Variants in CEP78 observed in about 807,000 individuals in gnomAD.
CEP78 encodes the protein centrosomal protein 78.
CEP78 carries 76 observed loss-of-function variants against 81.2 expected under a neutral mutation model. That is an observed-to-expected ratio of 0.94 (90% confidence interval 0.78 to 1.13). The LOEUF (loss-of-function observed/expected upper bound fraction) is 1.13, where lower values mean the gene tolerates loss of function less well. Ranked by LOEUF, CEP78 falls within the 50% of genes most tolerant of loss-of-function variation. The probability of loss-of-function intolerance (pLI) is 0.00; values close to 1 mark genes in which losing one functional copy is unlikely to be tolerated. For missense variants in CEP78, 918 were observed against 846.8 expected, an observed-to-expected ratio of 1.08 and a Z score of -1.04; for synonymous variants, 293 against 301.4, an observed-to-expected ratio of 0.97 and a Z score of 0.29.
At chr9:78,242,803 C>T (rs1826296484) in intron 4 of CEP78, among the ~76,000 whole-genome samples, 1 of 151,990 alleles carries the variant, frequency 6.6e-6, no homozygotes. Context: ...TAAGATAATA[C>T]CTGTGGTTAA....
rs1270367313 is a variant in CEP78, at chr9:78,278,247, G to A, written c.*7396G>A. ...TGTACTCTGTTATCCTTTACGCTCT[G>A]TCCATTTTTTTCTTCAAAAATGTGT... On this transcript the variant is annotated 3_prime_UTR_variant, in exon 17 of 17. Coordinates refer to ENST00000643273, the MANE Select transcript of CEP78 (RefSeq NM_001330691.3). The A allele has an allele frequency of 1.3e-5, 2 of 152,088 alleles. No homozygotes were observed. The highest frequency in any genetic ancestry group is 4.8e-5 in the African/African-American group (2 of 41,406). 9.4% of individuals were successfully genotyped at this position (152,088 alleles called of 1,614,324 possible). A position where few individuals can be genotyped will look rare whatever the true frequency, so the allele number is the denominator to read the frequency against.
rs1458869938 is a variant in CEP78, at chr9:78,274,587, A to G, written c.*3736A>G. 6.6e-6 allele frequency: 1 copy of G among 152,224 alleles called. No homozygotes were observed. Among genetic ancestry groups the G allele is most frequent in the Non-Finnish European group, 1.5e-5 (1 of 68,028 alleles). The allele number at this position is 152,224 out of a possible 1,614,324, so 9.4% of individuals were successfully genotyped here. A position where few individuals can be genotyped will look rare whatever the true frequency, so the allele number is the denominator to read the frequency against. ...ATATTTTGTATCCATGATGAATACA[A>G]AGTATATTCTCCTGGAAAACCAATA... On this transcript the variant is annotated 3_prime_UTR_variant, in exon 17 of 17. Coordinates refer to ENST00000643273, the MANE Select transcript of CEP78 (RefSeq NM_001330691.3).
chr9:78,239,585 G>A lies in CEP78; in HGVS notation c.254-438G>A, dbSNP rs1571776. ...AGCCCTGATCCTCATCACCTGTGAG[G>A]TAAAAGTGAACTCTCCTAGGCTTGC... On this transcript the variant is annotated intron_variant, in intron 1 of 16. Coordinates refer to ENST00000643273, the MANE Select transcript of CEP78 (RefSeq NM_001330691.3). Among the ~76,000 whole-genome samples the A allele has an allele frequency of 4.9e-3, 753 of 152,262 alleles. 6 individuals are homozygous for A. Among genetic ancestry groups the A allele is most frequent in the African/African-American group, 0.017 (719 of 41,556 alleles).
chr9:78,236,247 C>T lies in CEP78; in HGVS notation c.-104C>T. ...GAGCCCGGTGCGGGGCTGCCGCTAT[C>T]GCCTGGCCGTGGGTGCCGGAGCGGC... On this transcript the variant is annotated 5_prime_UTR_variant, in exon 1 of 17. Coordinates refer to ENST00000643273, the MANE Select transcript of CEP78 (RefSeq NM_001330691.3). 9.9e-7 allele frequency: 1 copy of T among 1,013,682 alleles called. No homozygotes were observed. The highest frequency in any genetic ancestry group is 1.4e-6 in the Non-Finnish European group (1 of 709,730). The allele number at this position is 1,013,682 out of a possible 1,614,324, so 62.8% of individuals were successfully genotyped here.
chr9:78,246,193 A>G (rs1239083791), intron 5 of CEP78, among the ~76,000 whole-genome samples: 1 of 152,086 alleles, frequency 6.6e-6, no homozygotes, highest in East Asian at 1.9e-4. Context: ...ATGTGTGTGC[A>G]TATGGTTTTC....
chr9:78,267,679 G>A (rs1444987823), intron 16 of CEP78, among the ~76,000 whole-genome samples: 1 of 152,130 alleles, frequency 6.6e-6, no homozygotes, highest in African/African-American at 2.4e-5. Context: ...ACCACTTAAG[G>A]AAGATTCTGA....
chr9:78,243,616 G>A lies in CEP78; in HGVS notation c.758G>A (p.Ser253Asn), dbSNP rs1465462072. 1 of 1,613,406 alleles carries A rather than the reference G, an allele frequency of 6.2e-7. No homozygotes were observed. Among genetic ancestry groups the A allele is most frequent in the Admixed American group, 1.7e-5 (1 of 59,926 alleles). The change falls in exon 5 of 17, where the codon AGT becomes AAT. Residue 253 changes from serine to asparagine, a missense_variant. Coordinates refer to ENST00000643273, the MANE Select transcript of CEP78 (RefSeq NM_001330691.3). ...GCATGTGCTTTTGCAGACTCTCTCAGTGAGGATTTATGGCTGAGAGGTAAG... is the reference window on the plus strand; with the variant it reads ...GCATGTGCTTTTGCAGACTCTCTCAATGAGGATTTATGGCTGAGAGGTAAG... The part of the protein sequence containing the change: ...LGACAFADSL[S>N]EDLWLRALDL...
Position 78,253,335 on chromosome 9 carries a change from C to G in CEP78, c.1251+58C>G, listed in dbSNP as rs1038515201. 41 of 802,668 alleles carry G rather than the reference C, an allele frequency of 5.1e-5. 1 individual carries two copies. Among genetic ancestry groups the G allele is most frequent in the Non-Finnish European group, 8.0e-5 (37 of 461,804 alleles). 49.7% of individuals were successfully genotyped at this position (802,668 alleles called of 1,614,324 possible). A position where few individuals can be genotyped will look rare whatever the true frequency, so the allele number is the denominator to read the frequency against. On this transcript the variant is annotated intron_variant, in intron 10 of 16. Coordinates refer to ENST00000643273, the MANE Select transcript of CEP78 (RefSeq NM_001330691.3). ...GATTGGAATGGGAAGGGTGGAAGAT[C>G]ATTCTCTGTGCTCTTTAAATTGAAT... is the stretch of plus-strand genomic sequence containing the variant.
chr9:78,261,172 C>T (rs1318500800), intron 11 of CEP78, among the ~76,000 whole-genome samples: 2 of 151,930 alleles, frequency 1.3e-5, no homozygotes, highest in Non-Finnish European at 2.9e-5. Context: ...AATTTCCTGA[C>T]CTTGTGATCT....
chr9:78,261,867 T>C (rs764400143), intron 11 of CEP78, among the ~76,000 whole-genome samples: 5 of 152,158 alleles, frequency 3.3e-5, no homozygotes, highest in Admixed American at 2.0e-4. Context: ...CATTAAAGAA[T>C]TTGTAGTTAT....
intron 15 of CEP78, 110 bp downstream of exon 15, chr9:78,266,016 C>A: frequency 1.6e-6 from 1 of 642,022 alleles, no homozygotes; most frequent in Non-Finnish European, 2.9e-6. Context: ...ACCTGTCTGC[C>A]ACAGGAGTCC....
chr9:78,236,616 C>T lies in CEP78; in HGVS notation c.253+13C>T, dbSNP rs762015609. On this transcript the variant is annotated intron_variant, in intron 1 of 16. Transcript: ENST00000643273. ...CTGGGGGACACAGGTTTGTAGTTCC[C>T]GCCTCCAGGGCCCCTCAGTCGGTGC... 2.0e-6 allele frequency: 3 copies of T among 1,520,814 alleles called. No individual in the cohort carries two copies. The highest frequency in any genetic ancestry group is 2.6e-6 in the Non-Finnish European group (3 of 1,136,008). 94.2% of individuals were successfully genotyped at this position (1,520,814 alleles called of 1,614,324 possible).
rs538628271 is a variant in CEP78, at chr9:78,257,776, C to T, written c.1380+2812C>T. On this transcript the variant is annotated intron_variant, in intron 11 of 16. Coordinates refer to ENST00000643273, the MANE Select transcript of CEP78 (RefSeq NM_001330691.3). ...CCGCCCTTTTCAGTGGCACAGCAGT[C>T]GGTGACCACCTATCTAATTTGTTGT... Among the ~76,000 whole-genome samples the T allele has an allele frequency of 5.9e-5, 9 of 152,268 alleles. No individual in the cohort carries two copies. In the South Asian group the frequency reaches 8.3e-4, roughly 14 times the overall value.
At chr9:78,258,526 A>G (rs1310066200) in intron 11 of CEP78, among the ~76,000 whole-genome samples, 2 of 152,188 alleles carry the variant, frequency 1.3e-5, no homozygotes, top group Non-Finnish European at 2.9e-5. Flanking sequence ...GACCAATGGA[A>G]AAACTAATGG....
Position 78,246,719 on chromosome 9 carries a change from C to G in CEP78, c.829C>G (p.Leu277Val). 6.2e-7 allele frequency: 1 copy of G among 1,611,414 alleles called. No homozygotes were observed. Among genetic ancestry groups the G allele is most frequent in the South Asian group, 1.1e-5 (1 of 90,640 alleles). Residue 277 changes from leucine (L) to valine (V), a missense_variant, in exon 6 of 17, where the codon CTA (leucine) becomes GTA (valine). Physicochemically the swap from Leu to Val is conservative, Grantham distance 32. Transcript: ENST00000643273. ...GLTNEGAKAL[L>V]EALETNTTLV... Reference sequence around the variant, plus strand: ...CACCAATGAAGGAGCAAAGGCTTTGCTAGAGGCCCTTGAAACCAATACAAC... The same window carrying G: ...CACCAATGAAGGAGCAAAGGCTTTGGTAGAGGCCCTTGAAACCAATACAAC...
chr9:78,259,487 T>G (rs994930345), intron 11 of CEP78, among the ~76,000 whole-genome samples: 6 of 152,178 alleles, frequency 3.9e-5, no homozygotes, highest in African/African-American at 1.4e-4. Flanking sequence ...ATTTTGTGAT[T>G]TAAAAAACCT....
chr9:78,246,014 T>G (rs1341716189), intron 5 of CEP78, among the ~76,000 whole-genome samples: 1 of 152,212 alleles, frequency 6.6e-6, no homozygotes, highest in Non-Finnish European at 1.5e-5. Flanking sequence ...GCCTGTGATG[T>G]TTACACTGCC....
chr9:78,238,947 C>A (rs1002219560), intron 1 of CEP78, among the ~76,000 whole-genome samples: 1 of 151,848 alleles, frequency 6.6e-6, no homozygotes, highest in African/African-American at 2.4e-5. Flanking sequence ...CATGATTTTG[C>A]CACTGTACTC....
chr9:78,251,391 C>T (rs111922056), intron 8 of CEP78, among the ~76,000 whole-genome samples: 1 of 152,128 alleles, frequency 6.6e-6, no homozygotes, highest in Non-Finnish European at 1.5e-5. Flanking sequence ...AACTTGAATA[C>T]CTTTTACATG....
Sources: gnomAD v4.1 joint callset for allele counts (sites outside exome capture counted in the v4.1 genomes callset) on GRCh38, gnomAD v4.1.1 for gene constraint, MANE v1.5 for transcripts, NCBI Gene and HGNC (gene_info 2026-07-23, HGNC 2026-07-21) for gene names.